Variants in KIAA1217 observed in about 807,000 individuals in gnomAD.
KIAA1217 encodes KIAA1217.
KIAA1217 carries 88 observed loss-of-function variants against 163.9 expected under a neutral mutation model. That is an observed-to-expected ratio of 0.54 (90% confidence interval 0.45 to 0.64). The LOEUF is 0.64. KIAA1217 is among the 30% of genes least tolerant of loss of function. The probability of loss-of-function intolerance (pLI) is 0.00; values close to 1 mark genes in which losing one functional copy is unlikely to be tolerated. For synonymous variants in KIAA1217, 903 were observed against 923.1 expected (o/e 0.98, Z 0.39); for missense variants, 2,372 against 2,475.0 (o/e 0.96, Z 0.88).
At chr10:23,866,898 T>C (rs1225870281) in intron 1 of KIAA1217, among the ~76,000 whole-genome samples, 1 of 151,914 alleles carries the variant, frequency 6.6e-6, no homozygotes, top group Non-Finnish European at 1.5e-5. Flanking sequence ...GTGCACAATG[T>C]GCAGGTTAGT....
chr10:24,244,509 A>T (rs967480120), intron 2 of KIAA1217, among the ~76,000 whole-genome samples: 6 of 151,260 alleles, frequency 4.0e-5, no homozygotes, highest in Non-Finnish European at 8.8e-5. Context: ...GTAGAATGGG[A>T]AGGCTGTTTT....
At chr10:23,964,294 GT>G (rs76227488) in intron 1 of KIAA1217, among the ~76,000 whole-genome samples, 6,594 of 140,320 alleles carry the variant, frequency 0.047, 447 homozygotes, top group African/African-American at 0.15. Flanking sequence ...TGATGGGGTT[GT>G]TTTTTTTTTT....
chr10:24,212,458 A>G (rs1242510987), intron 1 of KIAA1217, among the ~76,000 whole-genome samples: 1 of 152,224 alleles, frequency 6.6e-6, no homozygotes, highest in African/African-American at 2.4e-5. Flanking sequence ...CTAAGATTGA[A>G]TCTGTGTGCA....
At chr10:23,966,287 G>A (rs990819021) in intron 1 of KIAA1217, among the ~76,000 whole-genome samples, 1 of 152,212 alleles carries the variant, frequency 6.6e-6, no homozygotes, top group Non-Finnish European at 1.5e-5. Context: ...CTGAGCAAAG[G>A]CTGTAAGCAT....
In KIAA1217 at chr10:23,763,483, G is replaced by A. The variant is rs556544739; in HGVS notation, c.-321+68249G>A. 1.2e-4 allele frequency among the ~76,000 whole-genome samples: 19 copies of A among 152,228 alleles called. No homozygotes were observed. In the South Asian group the frequency reaches 2.3e-3, roughly 18 times the overall value. On this transcript the variant is annotated intron_variant, in intron 1 of 18. Transcript: ENST00000376462. The stretch of plus-strand genomic sequence containing the variant: ...ACACATTTACAACCATCTGATCTTC[G>A]ATAAACCCCACAAAAACAAGCATGG...
chr10:23,911,735 T>C (rs1394999060), intron 1 of KIAA1217, among the ~76,000 whole-genome samples: 1 of 152,152 alleles, frequency 6.6e-6, no homozygotes, highest in East Asian at 1.9e-4. Context: ...TGTCTAGGCA[T>C]GTAATTTATT....
In KIAA1217 at chr10:24,321,269, T is replaced by C. The variant is rs192901731; in HGVS notation, c.355-59600T>C. On this transcript the variant is annotated intron_variant, in intron 2 of 20. Transcript: ENST00000376454. ...AAGGGATAGGCTCGGCACAGTGGCT[T>C]ATGCCTGTAATCCCAGCACTATGAG... 2.8e-3 allele frequency among the ~76,000 whole-genome samples: 433 copies of C among 152,004 alleles called. 3 individuals carry two copies. Among genetic ancestry groups the C allele is most frequent in the African/African-American group, 0.01 (416 of 41,472 alleles).
At chr10:24,071,785 T>G (rs757800501) in intron 2 of KIAA1217, among the ~76,000 whole-genome samples, 14 of 152,134 alleles carry the variant, frequency 9.2e-5, no homozygotes, top group Admixed American at 2.6e-4. Flanking sequence ...TGCCCATCAT[T>G]AGAAAGTAGA....
intron 4 of KIAA1217, among the ~76,000 whole-genome samples, chr10:24,436,227 A>G (rs2060009188): frequency 6.6e-6 from 1 of 152,210 alleles, no homozygotes; most frequent in African/African-American, 2.4e-5. Flanking sequence ...TCACCGATTT[A>G]TAAATTTGTC....
chr10:23,994,975 C>T (rs1846401178), intron 1 of KIAA1217, among the ~76,000 whole-genome samples: 1 of 152,114 alleles, frequency 6.6e-6, no homozygotes, highest in Non-Finnish European at 1.5e-5. Context: ...AATACCCTTA[C>T]CCTGAGCTGT....
At chr10:23,905,250 G>A (rs1842112516) in intron 1 of KIAA1217, among the ~76,000 whole-genome samples, 1 of 151,516 alleles carries the variant, frequency 6.6e-6, no homozygotes, top group South Asian at 2.1e-4. Context: ...CCAGGACCCT[G>A]GATCACATGC....
intron 2 of KIAA1217, among the ~76,000 whole-genome samples, chr10:24,058,936 A>G (rs1053237714): frequency 1.3e-5 from 2 of 152,094 alleles, no homozygotes; most frequent in Non-Finnish European, 2.9e-5. Context: ...AAGTAGTAAG[A>G]GTGATCATTC....
Position 24,111,230 on chromosome 10 carries a change from A to G in KIAA1217, c.-171+103856A>G, listed in dbSNP as rs539749148. On this transcript the variant is annotated intron_variant, in intron 2 of 18. Coordinates refer to the KIAA1217 transcript ENST00000376462. ...CCAAAGGTTGGCTATGGATAACCCA[A>G]CTGATTGTGTTACAGTTTAATTAAT... Among the ~76,000 whole-genome samples, 268 of 152,328 alleles carry G rather than the reference A, an allele frequency of 1.8e-3. 1 individual carries two copies. The highest frequency in any genetic ancestry group is 4.5e-3 in the Admixed American group (69 of 15,304).
chr10:23,794,901 G>T (rs889991439), intron 1 of KIAA1217, among the ~76,000 whole-genome samples: 6 of 152,188 alleles, frequency 3.9e-5, no homozygotes, highest in Non-Finnish European at 8.8e-5. Context: ...TGTCAGGTGA[G>T]CTACTTACTC....
intron 3 of KIAA1217, among the ~76,000 whole-genome samples, chr10:24,381,548 G>A (rs1157388515): frequency 6.6e-6 from 1 of 152,160 alleles, no homozygotes; most frequent in Non-Finnish European, 1.5e-5. Flanking sequence ...AGGGATCTAG[G>A]TTGCATGCTC....
chr10:24,431,443 G>C (rs983716988), intron 3 of KIAA1217, among the ~76,000 whole-genome samples: 1 of 152,136 alleles, frequency 6.6e-6, no homozygotes, highest in Non-Finnish European at 1.5e-5. Flanking sequence ...GACAGTGCTT[G>C]GAGGGGCCAT....
In KIAA1217 at chr10:24,438,617, T is replaced by G. The variant is rs2060249994; in HGVS notation, c.846+138T>G. 1.2e-5 allele frequency: 7 copies of G among 598,734 alleles called. No individual in the cohort carries two copies. In the South Asian group the frequency reaches 1.5e-4, roughly 13 times the overall value. The allele number at this position is 598,734 out of a possible 1,614,324, so 37.1% of individuals were successfully genotyped here. The stretch of plus-strand genomic sequence containing the variant: ...GCACTCATCTCACCTAGTGGATCAT[T>G]ATTTGTTCTTGGTAGAGAAGTAAGA... On this transcript the variant is annotated intron_variant, in intron 5 of 20. Coordinates refer to ENST00000376454, the MANE Select transcript of KIAA1217 (RefSeq NM_019590.5).
Position 24,536,754 on chromosome 10 carries a change from TC to T in KIAA1217, c.3415-19del. 1 of 1,612,016 alleles carries T rather than the reference TC, an allele frequency of 6.2e-7. No homozygotes were observed. Among genetic ancestry groups the T allele is most frequent in the African/African-American group, 1.3e-5 (1 of 74,990 alleles). Reference sequence around the variant, plus strand: ...CAGTACCCTTGGATCCCTGTTAACCTCAGTATTTTAATTCCTTAGGCATTCC... The same window carrying T: ...CAGTACCCTTGGATCCCTGTTAACCTAGTATTTTAATTCCTTAGGCATTCC... On this transcript the variant is annotated intron_variant, in intron 16 of 20. Transcript: ENST00000376454.
chr10:24,037,870 G>A (rs879868072), intron 2 of KIAA1217, among the ~76,000 whole-genome samples: 1 of 151,870 alleles, frequency 6.6e-6, no homozygotes, highest in Admixed American at 6.5e-5. Context: ...TTGCTTTGGT[G>A]CTAGGAAGCT....
Sources: allele counts gnomAD v4.1 joint callset (sites outside exome capture counted in the v4.1 genomes callset), GRCh38; gene constraint gnomAD v4.1.1; transcripts MANE v1.5; gene names NCBI Gene and HGNC (gene_info 2026-07-23, HGNC 2026-07-21).